The following LILRA4 variants were observed in gnomAD, a reference collection of about 807,000 sequenced individuals.
LILRA4 encodes leukocyte immunoglobulin like receptor A4.
LILRA4 carries 51 observed loss-of-function variants against 49.5 expected under a neutral mutation model. That is an observed-to-expected ratio of 1.03 (90% CI 0.82 to 1.30). The LOEUF (loss-of-function observed/expected upper bound fraction) is 1.30, where lower values mean the gene tolerates loss of function less well. Ranked by LOEUF, LILRA4 falls within the 50% of genes most tolerant of loss-of-function variation. The pLI is 0.00. For missense variants in LILRA4, 624 were observed against 625.6 expected (o/e 1.00, Z 0.03); for synonymous variants, 272 against 265.6 (o/e 1.02, Z -0.23).
chr19:54,338,750 C>T (rs567691802), intron 2 of LILRA4, 70 bp from the exon 3 acceptor site: 4 of 1,581,486 alleles, frequency 2.5e-6, no homozygotes, highest in Non-Finnish European at 3.5e-6. Flanking sequence ...AGCCCCAGGA[C>T]CCCCCTCATC....
At position 54,333,386 on chromosome 19, in the gene LILRA4, A is replaced by G; in HGVS notation, c.*186T>C. The G allele has an allele frequency of 6.2e-6, 4 of 648,394 alleles. No individual in the cohort carries two copies. Among genetic ancestry groups the G allele is most frequent in the Non-Finnish European group, 1.0e-5 (4 of 382,032 alleles). 40.2% of individuals were successfully genotyped at this position (648,394 alleles called of 1,614,324 possible). A position where few individuals can be genotyped will look rare whatever the true frequency, so the allele number is the denominator to read the frequency against. Reference sequence around the variant, plus strand: ...TGAAGCCTTACATCATAGGGAAGAAAAACGAAGGAAGGGGCAGTCAAGGAG... The same window carrying G: ...TGAAGCCTTACATCATAGGGAAGAAGAACGAAGGAAGGGGCAGTCAAGGAG... On this transcript the variant is annotated 3_prime_UTR_variant, in exon 8 of 8. Coordinates refer to ENST00000291759, the MANE Select transcript of LILRA4 (RefSeq NM_012276.5).
At position 54,338,468 on chromosome 19, in the gene LILRA4, G is replaced by T. The variant is rs200638920; in HGVS notation, c.283C>A (p.Arg95=). The T allele has an allele frequency of 2.5e-6, 4 of 1,614,040 alleles. No individual in the cohort carries two copies. Among genetic ancestry groups the T allele is most frequent in the Non-Finnish European group, 3.4e-6 (4 of 1,180,018 alleles). Residue 95 remains arginine, a synonymous_variant, in exon 3 of 8, where the codon CGA becomes AGA. Coordinates refer to ENST00000291759, the MANE Select transcript of LILRA4 (RefSeq NM_012276.5). ...IPSMMWEHAG[R]YHCYYQSPAG... is the part of the protein sequence containing the mutation. The stretch of plus-strand genomic sequence containing the variant: ...GGGCTCTGATAGTAACAGTGATATC[G>T]CCCTGCATGTTCCCACATCATGGAT...
chr19:54,334,840 T>TG (rs1379231666), intron 6 of LILRA4: 1 of 147,532 alleles, frequency 6.8e-6, no homozygotes, highest in Non-Finnish European at 1.5e-5. Context: ...CCTGGCATGG[T>TG]GGTGGGCTCC....
chr19:54,336,544 C>T, intron 6 of LILRA4: 1 of 535,952 alleles, frequency 1.9e-6, no homozygotes. Flanking sequence ...TATTTCCACA[C>T]TCCCATAGGC....
chr19:54,337,257 C>A, intron 5 of LILRA4, 114 bp from the exon 6 acceptor site: 1 of 1,327,162 alleles, frequency 7.5e-7, no homozygotes, highest in Non-Finnish European at 1.0e-6. Context: ...TGAGTCTCCC[C>A]CTCCCCGCCC....
Position 54,337,043 on chromosome 19 carries a change from G to C in LILRA4, c.1053C>G (p.Phe351Leu). Reference protein sequence around the residue: ...TLLCQSWDPMFTFLLTKEGAA... With the variant: ...TLLCQSWDPMLTFLLTKEGAA... ...CCCCCTCCTTGGTCAGAAGGAAAGT[G>C]AACATCGGGTCCCATGACTGACACA... Residue 351 changes from phenylalanine (F) to leucine (L), a missense_variant, in exon 6 of 8, where the codon TTC (phenylalanine) becomes TTG (leucine). Transcript: ENST00000291759. The C allele has an allele frequency of 6.2e-7, 1 of 1,614,104 alleles. No homozygotes were observed.
rs764971053 is a variant in LILRA4 at position 54,338,254 on chromosome 19, G to T, written c.356-19C>A. ...CTGTAGGCTTTCAAGAGAAAAAAAG[G>T]CAGCCGTGTTTAAATGGGGCTCACA... On this transcript the variant is annotated intron_variant, in intron 3 of 7. Transcript: ENST00000291759. The T allele has an allele frequency of 3.8e-6, 6 of 1,598,824 alleles. No homozygotes were observed. The African/African-American group carries it at 4.0e-5, about 11-fold the overall frequency.
chr19:54,337,914 G>C (rs761981939), intron 4 of LILRA4, 22 bp downstream of exon 4: 1 of 1,590,920 alleles, frequency 6.3e-7, no homozygotes, highest in African/African-American at 1.3e-5. Context: ...CTTTGTATAA[G>C]GAAAAGCTAC....
In LILRA4 at chr19:54,333,705, A is replaced by G; in HGVS notation, c.1367T>C (p.Val456Ala). 6.2e-7 allele frequency: 1 copy of G among 1,614,114 alleles called. No homozygotes were observed. The highest frequency in any genetic ancestry group is 8.5e-7 in the Non-Finnish European group (1 of 1,180,028). Residue 456 changes from valine (V) to alanine (A), a missense_variant, in exon 8 of 8, where the codon GTC becomes GCC. Transcript: ENST00000291759. ...TAACAGAATCCCGAGGAACAGCAGG[A>G]CCAAGCCAGCCACACCCATGCGGAT... is the stretch of plus-strand genomic sequence containing the variant. ...NLIRMGVAGL[V>A]LLFLGILLFE...
intron 1 of LILRA4, 78 bp from the exon 2 acceptor site, chr19:54,338,979 G>A: frequency 6.2e-7 from 1 of 1,611,926 alleles, no homozygotes; most frequent in South Asian, 1.1e-5. Flanking sequence ...CCCCTGGGAT[G>A]CCCTAATTGA....
Position 54,337,554 on chromosome 19 carries a change from G to A in LILRA4, c.798C>T (p.Arg266=). The A allele has an allele frequency of 1.2e-6, 2 of 1,613,376 alleles. No homozygotes were observed. The highest frequency in any genetic ancestry group is 1.7e-6 in the Non-Finnish European group (2 of 1,179,912). The change falls in exon 5 of 8, where the codon CGC becomes CGT. Residue 266 remains arginine (R), a synonymous_variant. Coordinates refer to ENST00000291759, the MANE Select transcript of LILRA4 (RefSeq NM_012276.5). ...YKEGADGLPQ[R]PGRQPQAGLS... ...GCCCAGCCTGGGGCTGCCGGCCAGG[G>A]CGCTGGGGGAGGCCATCGGCCCCCT...
At position 54,338,541 on chromosome 19, in the gene LILRA4, G is replaced by A. The variant is rs1455369290; in HGVS notation, c.210C>T (p.His70=). The A allele has an allele frequency of 6.2e-7, 1 of 1,614,138 alleles. No individual in the cohort carries two copies. Among genetic ancestry groups the A allele is most frequent in the South Asian group, 1.1e-5 (1 of 91,080 alleles). ...LDKEGNSMSR[H]ILKTLESENK... is the part of the protein sequence containing the mutation. ...TTTCAGACTCCAGTGTTTTTAATAT[G>A]TGCCTCGACATTGAGTTTCCCTCTT... Residue 70 remains histidine, a synonymous_variant, in exon 3 of 8, where the codon CAC becomes CAT. Transcript: ENST00000291759.
rs2081350616 is a variant in LILRA4 at position 54,338,035 on chromosome 19, T to C, written c.556A>G (p.Thr186Ala). The change falls in exon 4 of 8, where the codon ACC (threonine) becomes GCC (alanine). Residue 186 changes from threonine to alanine, a missense_variant. By Grantham distance (58) the Thr-to-Ala change is moderately conservative. Transcript: ENST00000291759. ...FQALFPMGPL[T>A]FSNRGTFRCY... ...CTGAATGTACCCCTGTTGCTGAAGG[T>C]CAGGGGGCCCATGGGGAACAGGGCC... 1 of 1,613,938 alleles carries C rather than the reference T, an allele frequency of 6.2e-7. No homozygotes were observed. Among genetic ancestry groups the C allele is most frequent in the Non-Finnish European group, 8.5e-7 (1 of 1,179,962 alleles).
chr19:54,333,635 C>A lies in LILRA4; in HGVS notation c.1437G>T (p.Gln479His). The change falls in exon 8 of 8, where the codon CAG becomes CAT. Residue 479 changes from glutamine (Q) to histidine (H), a missense_variant. By Grantham distance (24) the Gln-to-His change is conservative. Coordinates refer to ENST00000291759, the MANE Select transcript of LILRA4 (RefSeq NM_012276.5). ...CATTGTCCTTTCTGCTGTTTGCCTC[C>A]TGGCTGCACCTTGGGGGGCTTCTCT... ...HSQRSPPRCS[Q>H]EANSRKDNAP... The A allele has an allele frequency of 6.2e-7, 1 of 1,614,160 alleles. No individual in the cohort carries two copies. The highest frequency in any genetic ancestry group is 1.1e-5 in the South Asian group (1 of 91,084).
intron 1 of LILRA4, 66 bp from the exon 2 acceptor site, chr19:54,338,967 A>G: frequency 1.9e-6 from 3 of 1,613,156 alleles, no homozygotes; most frequent in Middle Eastern, 1.6e-4. Flanking sequence ...CTTTTCCTTG[A>G]GCCCCTGGGA....
At position 54,337,440 on chromosome 19, in the gene LILRA4, C is replaced by T; in HGVS notation, c.912G>A (p.Glu304=). 1 of 1,611,832 alleles carries T rather than the reference C, an allele frequency of 6.2e-7. No individual in the cohort carries two copies. Among genetic ancestry groups the T allele is most frequent in the Non-Finnish European group, 8.5e-7 (1 of 1,179,842 alleles). ...CCAGGGGGTCACTGGGGGCCGACCA[C>T]TCGGAGGAGACGTTGTGTGCGCCGT... ...RCYGAHNVSS[E]WSAPSDPLDI... The change falls in exon 5 of 8, where the codon GAG becomes GAA. Residue 304 remains glutamate (E), a synonymous_variant. Transcript: ENST00000291759.
chr19:54,338,348 C>T, intron 3 of LILRA4, 48 bp downstream of exon 3: 1 of 1,609,536 alleles, frequency 6.2e-7, no homozygotes, highest in Non-Finnish European at 8.5e-7. Context: ...AGCCGACCCC[C>T]TTCCCGAGGG....
chr19:54,335,907 A>G (rs538050465), intron 6 of LILRA4: 4 of 152,330 alleles, frequency 2.6e-5, no homozygotes, highest in Middle Eastern at 6.8e-3. Flanking sequence ...GTAACTACGT[A>G]TATATTCATA....
At position 54,337,022 on chromosome 19, in the gene LILRA4, C is replaced by G. The variant is rs761772556; in HGVS notation, c.1074G>C (p.Glu358Asp). The change falls in exon 6 of 8, where the codon GAG becomes GAC. Residue 358 changes from glutamate (E) to aspartate (D), a missense_variant. Coordinates refer to ENST00000291759, the MANE Select transcript of LILRA4 (RefSeq NM_012276.5). ...DPMFTFLLTKEGAAHPPLRLR... is the reference protein window; with the variant it reads ...DPMFTFLLTKDGAAHPPLRLR... ...GACGCAACGGGGGATGGGCTGCCCCCTCCTTGGTCAGAAGGAAAGTGAACA... is the reference window on the plus strand; with the variant it reads ...GACGCAACGGGGGATGGGCTGCCCCGTCCTTGGTCAGAAGGAAAGTGAACA... The G allele has an allele frequency of 1.7e-5, 27 of 1,613,970 alleles. No individual in the cohort carries two copies. Among genetic ancestry groups the G allele is most frequent in the Non-Finnish European group, 2.2e-5 (26 of 1,180,012 alleles).
Sources: allele counts gnomAD v4.1 joint callset, GRCh38; gene constraint gnomAD v4.1.1; transcripts MANE v1.5; gene names NCBI Gene and HGNC (gene_info 2026-07-23, HGNC 2026-07-21).